The following CMKLR1 variants were observed in gnomAD, a reference collection of about 807,000 sequenced individuals.
CMKLR1 encodes chemerin chemokine-like receptor 1, also known as chemerin-like receptor 1.
In CMKLR1, 6 loss-of-function variants were observed where a neutral mutation model predicts 8.2. The observed-to-expected ratio is 0.73, with a 90% CI of 0.40 to 1.44. CMKLR1 has a LOEUF of 1.44. Among genes scored for constraint, CMKLR1 ranks in the 40% most tolerant of loss-of-function variants. CMKLR1 has a pLI of 0.02. For missense variants in CMKLR1, 429 were observed against 478.0 expected (o/e 0.90, Z 0.96); for synonymous variants, 178 against 181.2 (o/e 0.98, Z 0.14).
At chr12:108,331,630 G>A (rs1174242355) in intron 1 of CMKLR1, among the ~76,000 whole-genome samples, 2 of 152,212 alleles carry the variant, frequency 1.3e-5, no homozygotes, top group African/African-American at 4.8e-5. Flanking sequence ...ACGTCATTAG[G>A]AATCTTGAGA....
chr12:108,294,798 T>G (rs995346060), intron 2 of CMKLR1, among the ~76,000 whole-genome samples: 1 of 152,198 alleles, frequency 6.6e-6, no homozygotes, highest in African/African-American at 2.4e-5. Flanking sequence ...AAACCAGATA[T>G]TTCAGCTTCA....
chr12:108,327,465 G>A lies in CMKLR1; in HGVS notation c.-74+2530C>T, dbSNP rs149171835. On this transcript the variant is annotated intron_variant, in intron 2 of 3. Coordinates refer to ENST00000550402, the MANE Select transcript of CMKLR1 (RefSeq NM_001142343.2). ...ACTGCACTCCAGCCTGGGCAACAGA[G>A]TGAGACCCTGTCTCTTAAAAGAGAG... 7.5e-4 allele frequency among the ~76,000 whole-genome samples: 114 copies of A among 152,360 alleles called. 1 individual carries two copies. The highest frequency in any genetic ancestry group is 2.7e-3 in the African/African-American group (112 of 41,594).
At chr12:108,302,928 T>C (rs922731762) in intron 2 of CMKLR1, among the ~76,000 whole-genome samples, 1 of 152,044 alleles carries the variant, frequency 6.6e-6, no homozygotes, top group African/African-American at 2.4e-5. Flanking sequence ...GATGGAGAAG[T>C]GGAGGGATGG....
At chr12:108,313,580 C>A (rs1207429705) in intron 2 of CMKLR1, among the ~76,000 whole-genome samples, 2 of 152,134 alleles carry the variant, frequency 1.3e-5, no homozygotes, top group East Asian at 3.9e-4. Flanking sequence ...ATAGGGTGAC[C>A]AGTTGTCCTG....
chr12:108,309,007 C>T lies in CMKLR1; in HGVS notation c.-73-15343G>A, dbSNP rs146240298. ...AAACACATCTGGAGCCAGACTGCCT[C>T]GGTTTGAATCCCAGCTCTGCTGTGT... On this transcript the variant is annotated intron_variant, in intron 2 of 3. Coordinates refer to ENST00000550402, the MANE Select transcript of CMKLR1 (RefSeq NM_001142343.2). Among the ~76,000 whole-genome samples, 673 of 152,264 alleles carry T rather than the reference C, an allele frequency of 4.4e-3. 4 individuals carry two copies. The highest frequency in any genetic ancestry group is 5.5e-3 in the Non-Finnish European group (373 of 68,016).
At chr12:108,336,115 G>T (rs1892214830) in intron 1 of CMKLR1, among the ~76,000 whole-genome samples, 1 of 152,150 alleles carries the variant, frequency 6.6e-6, no homozygotes, top group African/African-American at 2.4e-5. Context: ...AGGGCAAAAA[G>T]GAAAGACTTT....
rs192034694 is a variant in CMKLR1 at position 108,292,772 on chromosome 12, A to G, written c.191T>C (p.Ile64Thr). Residue 64 changes from isoleucine (I) to threonine (T), a missense_variant, in exon 4 of 4, where the codon ATT becomes ACT. By Grantham distance (89) the Ile-to-Thr change is moderately conservative. Transcript: ENST00000550402. ...TGTCTTCTTCATCTTGAAGGTGGCAATGATGATCACCAGACCATTGCCCAG... is the reference window on the plus strand; with the variant it reads ...TGTCTTCTTCATCTTGAAGGTGGCAGTGATGATCACCAGACCATTGCCCAG... ...GILGNGLVII[I>T]ATFKMKKTVN... The G allele has an allele frequency of 7.9e-3, 12,684 of 1,614,174 alleles. 74 individuals are homozygous for G. Among genetic ancestry groups the G allele is most frequent in the Non-Finnish European group, 9.6e-3 (11,327 of 1,180,018 alleles).
chr12:108,309,701 C>T (rs1378080102), intron 2 of CMKLR1, among the ~76,000 whole-genome samples: 3 of 152,196 alleles, frequency 2.0e-5, no homozygotes, highest in African/African-American at 7.2e-5. Context: ...TTCCAGGCTT[C>T]CAGCAAACTG....
intron 2 of CMKLR1, among the ~76,000 whole-genome samples, chr12:108,323,875 G>A (rs1784074159): frequency 6.6e-6 from 1 of 152,216 alleles, no homozygotes; most frequent in African/African-American, 2.4e-5. Flanking sequence ...GCCAAGGGAA[G>A]GGAACTGGCA....
chr12:108,337,186 C>T (rs1181470721), intron 1 of CMKLR1, among the ~76,000 whole-genome samples: 1 of 152,194 alleles, frequency 6.6e-6, no homozygotes, highest in Admixed American at 6.5e-5. Flanking sequence ...GGTCTAGCAT[C>T]AGAACTCTCC....
rs146557895 is a variant in CMKLR1 at position 108,334,895 on chromosome 12, G to A, written c.-287+4132C>T. ...ATAAATACCTTTGGCTTAATAACCCGCAGCATGTTCTATCAAACCATTATT... is the reference window on the plus strand; with the variant it reads ...ATAAATACCTTTGGCTTAATAACCCACAGCATGTTCTATCAAACCATTATT... On this transcript the variant is annotated intron_variant, in intron 1 of 3. Transcript: ENST00000550402. 1.6e-3 allele frequency among the ~76,000 whole-genome samples: 240 copies of A among 152,224 alleles called. 2 individuals are homozygous for A. The highest frequency in any genetic ancestry group is 4.9e-3 in the African/African-American group (205 of 41,532).
chr12:108,320,266 A>T (rs1891828611), intron 2 of CMKLR1, among the ~76,000 whole-genome samples: 1 of 152,136 alleles, frequency 6.6e-6, no homozygotes, highest in Non-Finnish European at 1.5e-5. Context: ...GAGTAGAGGT[A>T]GAGTTTCAGC....
rs201022995 is a variant in CMKLR1 at position 108,292,696 on chromosome 12, G to A, written c.267C>T (p.Asn89=). ...LNLAVADFLF[N]VFLPIHITYA... is the part of the protein sequence containing the mutation. The stretch of plus-strand genomic sequence containing the variant: ...AGGTGATATGGATTGGGAGGAAGAC[G>A]TTGAACAGGAAATCTGCCACTGCCA... Residue 89 remains asparagine (N), a synonymous_variant, in exon 4 of 4, where the codon AAC becomes AAT. Coordinates refer to ENST00000550402, the MANE Select transcript of CMKLR1 (RefSeq NM_001142343.2). The A allele has an allele frequency of 6.0e-5, 97 of 1,614,142 alleles. 1 individual carries two copies. In the African/African-American group the frequency reaches 7.6e-4, roughly 13 times the overall value.
At chr12:108,302,786 G>A (rs183329204) in intron 2 of CMKLR1, among the ~76,000 whole-genome samples, 1 of 152,192 alleles carries the variant, frequency 6.6e-6, no homozygotes, top group Non-Finnish European at 1.5e-5. Context: ...ATAGCCAGAC[G>A]CACATTGAAC....
At chr12:108,300,282 G>A (rs955252491) in intron 2 of CMKLR1, among the ~76,000 whole-genome samples, 8 of 152,160 alleles carry the variant, frequency 5.3e-5, no homozygotes, top group African/African-American at 1.7e-4. Flanking sequence ...AACCTTGGGG[G>A]TTAGTGCTTA....
At chr12:108,297,512 GTACA>G (rs1195749044) in intron 2 of CMKLR1, among the ~76,000 whole-genome samples, 1 of 152,138 alleles carries the variant, frequency 6.6e-6, no homozygotes, top group African/African-American at 2.4e-5. Flanking sequence ...TACATAATAT[GTACA>G]TACATATAGT....
At chr12:108,315,358 C>T (rs747329272) in intron 2 of CMKLR1, among the ~76,000 whole-genome samples, 2 of 152,220 alleles carry the variant, frequency 1.3e-5, no homozygotes, top group Non-Finnish European at 2.9e-5. Context: ...GACCCTCCAT[C>T]CTGGCTTGCC....
In CMKLR1 at chr12:108,292,682, A is replaced by G. The variant is rs753472328; in HGVS notation, c.281T>C (p.Ile94Thr). 3 of 1,614,122 alleles carry G rather than the reference A, an allele frequency of 1.9e-6. No individual in the cohort carries two copies. Among genetic ancestry groups the G allele is most frequent in the Non-Finnish European group, 2.5e-6 (3 of 1,180,024 alleles). ...ADFLFNVFLP[I>T]HITYAAMDYH... ...GTCCATGGCGGCATAGGTGATATGG[A>G]TTGGGAGGAAGACGTTGAACAGGAA... Residue 94 changes from isoleucine (I) to threonine (T), a missense_variant, in exon 4 of 4, where the codon ATC becomes ACC. Ile to Thr is a moderately conservative substitution (Grantham distance 89). Transcript: ENST00000550402.
Position 108,292,719 on chromosome 12 carries a change from C to T in CMKLR1, c.244G>A (p.Ala82Thr), listed in dbSNP as rs945414719. 1.9e-6 allele frequency: 3 copies of T among 1,614,092 alleles called. No individual in the cohort carries two copies. The highest frequency in any genetic ancestry group is 1.1e-5 in the South Asian group (1 of 91,080). ...TVNMVWFLNL[A>T]VADFLFNVFL... ...ACGTTGAACAGGAAATCTGCCACTG[C>T]CAGGTTGAGGAACCAGACCATGTTC... The change falls in exon 4 of 4, where the codon GCA (alanine) becomes ACA (threonine). Residue 82 changes from alanine to threonine, a missense_variant. Transcript: ENST00000550402.
Sources: gnomAD v4.1 joint callset for allele counts (sites outside exome capture counted in the v4.1 genomes callset) on GRCh38, gnomAD v4.1.1 for gene constraint, MANE v1.5 for transcripts, NCBI Gene and HGNC (gene_info 2026-07-23, HGNC 2026-07-21) for gene names.